The following PPP2R1B variants were observed in gnomAD, a reference collection of about 807,000 sequenced individuals.
PPP2R1B encodes the protein serine/threonine-protein phosphatase 2A 65 kDa regulatory subunit A beta isoform.
In PPP2R1B, 58 loss-of-function variants were observed where a neutral mutation model predicts 72.7. The ratio of observed to expected loss-of-function variants is 0.80; its 90% CI spans 0.65 to 0.99. PPP2R1B has a LOEUF of 0.99. PPP2R1B is among the 50% of genes least tolerant of loss of function. PPP2R1B has a pLI of 0.00. For synonymous variants in PPP2R1B, 256 were observed against 264.6 expected, an observed-to-expected ratio of 0.97 and a Z score of 0.32; for missense variants, 695 against 733.6, an observed-to-expected ratio of 0.95 and a Z score of 0.61.
the PPP2R1B span, among the ~76,000 whole-genome samples, chr11:111,695,100 CTA>C: frequency 6.6e-6 from 1 of 152,228 alleles, no homozygotes; most frequent in South Asian, 2.1e-4. Flanking sequence ...AGCTTCATCT[CTA>C]TCACTCTCCA....
chr11:111,760,798 CA>C lies in PPP2R1B; in HGVS notation c.539+20del. 6.2e-7 allele frequency: 1 copy of C among 1,605,318 alleles called. No homozygotes were observed. Among genetic ancestry groups the C allele is most frequent in the Non-Finnish European group, 8.5e-7 (1 of 1,174,532 alleles). On this transcript the variant is annotated intron_variant, in intron 4 of 14. Coordinates refer to ENST00000527614, the MANE Select transcript of PPP2R1B (RefSeq NM_002716.5). The stretch of plus-strand genomic sequence containing the variant: ...CTACCTGATTTCTGCTTTAACAAGG[CA>C]AAAAAATACCATGGCTTACTGTCTG...
At chr11:111,707,334 G>C in the PPP2R1B span, among the ~76,000 whole-genome samples, 1 of 152,196 alleles carries the variant, frequency 6.6e-6, no homozygotes, top group Non-Finnish European at 1.5e-5. Context: ...TTCATGTCTA[G>C]ACTATGAGCA....
chr11:111,707,492 G>C, the PPP2R1B span, among the ~76,000 whole-genome samples: 137 of 152,294 alleles, frequency 9.0e-4, no homozygotes, highest in African/African-American at 3.1e-3. Flanking sequence ...AATGGAACCT[G>C]CTTAGTGTAA....
At chr11:111,764,989 T>C in intron 2 of PPP2R1B, 84 bp from the exon 3 acceptor site, 1 of 1,549,918 alleles carries the variant, frequency 6.5e-7, no homozygotes, top group East Asian at 2.4e-5. Flanking sequence ...ACAGATTCAC[T>C]ATGCGACCAG....
the PPP2R1B span, among the ~76,000 whole-genome samples, chr11:111,714,652 G>A: frequency 1.3e-5 from 2 of 152,316 alleles, no homozygotes; most frequent in East Asian, 1.9e-4. Flanking sequence ...CCTAGATGGA[G>A]GGTGAGAGCC....
At chr11:111,726,459 C>G (rs1943969898), downstream of PPP2R1B, 1 of 154,864 alleles carries the variant, frequency 6.5e-6, no homozygotes, top group Non-Finnish European at 1.4e-5. Flanking sequence ...GGCGTGGACA[C>G]CGGCCTGATG....
At chr11:111,729,051 T>C (rs559639489) in intron 15 of PPP2R1B, 20 of 152,392 alleles carry the variant, frequency 1.3e-4, no homozygotes, top group African/African-American at 4.6e-4. Context: ...GCACCTGTAA[T>C]GTCAGAGCCC....
Position 111,755,372 on chromosome 11 carries a change from C to T in PPP2R1B, c.766G>A (p.Val256Met). 1.9e-6 allele frequency: 3 copies of T among 1,613,936 alleles called. No homozygotes were observed. The highest frequency in any genetic ancestry group is 2.5e-6 in the Non-Finnish European group (3 of 1,179,996). ...GCTGCTTGTCGAAGTGTAGGCATCA[C>T]CAAAGTCTCAAGGTCATCCTGAGAC... ...LLSQDDLETL[V>M]MPTLRQAAED... Residue 256 changes from valine (V) to methionine (M), a missense_variant, in exon 6 of 15, where the codon GTG (valine) becomes ATG (methionine). Coordinates refer to ENST00000527614, the MANE Select transcript of PPP2R1B (RefSeq NM_002716.5).
At chr11:111,711,740 G>C in the PPP2R1B span, among the ~76,000 whole-genome samples, 1 of 152,218 alleles carries the variant, frequency 6.6e-6, no homozygotes, top group Non-Finnish European at 1.5e-5. Context: ...AAGGCGGGTA[G>C]GGCAGGCAGA....
At chr11:111,748,487 C>T (rs1401221812) in intron 10 of PPP2R1B, among the ~76,000 whole-genome samples, 3 of 152,208 alleles carry the variant, frequency 2.0e-5, no homozygotes, top group Non-Finnish European at 4.4e-5. Context: ...AGAGTATTTT[C>T]GAGACAACAG....
chr11:111,713,632 T>C, the PPP2R1B span, among the ~76,000 whole-genome samples: 1 of 152,154 alleles, frequency 6.6e-6, no homozygotes, highest in Non-Finnish European at 1.5e-5. Context: ...AGAAACATTA[T>C]ACATACTGAA....
the PPP2R1B span, chr11:111,721,840 C>T: frequency 6.2e-7 from 1 of 1,607,466 alleles, no homozygotes; most frequent in Non-Finnish European, 8.5e-7. Context: ...GAAGAAGTTT[C>T]TCAGCAGCAG....
Position 111,742,383 on chromosome 11 carries a change from T to C in PPP2R1B, c.1697+140A>G, listed in dbSNP as rs1944554063. ...TCATAGTGGACATCCTCAAAAATAG[T>C]TGCTAAATTATTTTCTTTAAGCAAA... On this transcript the variant is annotated intron_variant, in intron 13 of 14. Coordinates refer to ENST00000527614, the MANE Select transcript of PPP2R1B (RefSeq NM_002716.5). 3.0e-6 allele frequency: 3 copies of C among 992,240 alleles called. No individual in the cohort carries two copies. In the East Asian group the frequency reaches 7.9e-5, roughly 26 times the overall value. The allele number at this position is 992,240 out of a possible 1,614,324, so 61.5% of individuals were successfully genotyped here.
chr11:111,701,498 T>A, the PPP2R1B span: 1 of 1,613,988 alleles, frequency 6.2e-7, no homozygotes. This position sits in a 1 kb window ranked among gnomAD's most constrained non-coding sequence, Gnocchi z 4.2. Flanking sequence ...GCTCTGCCCT[T>A]TGATGGACCG....
chr11:111,754,701 G>A (rs1945036036), intron 7 of PPP2R1B, 132 bp from the exon 8 acceptor site: 7 of 1,418,402 alleles, frequency 4.9e-6, no homozygotes, highest in Non-Finnish European at 6.5e-6. Flanking sequence ...AACAGCTCTT[G>A]TTCTAAATAA....
the PPP2R1B span, among the ~76,000 whole-genome samples, chr11:111,691,593 A>C: frequency 2.7e-4 from 41 of 152,268 alleles, no homozygotes; most frequent in African/African-American, 9.1e-4. Flanking sequence ...AGGGGTACTC[A>C]CTAATTGAAT....
chr11:111,699,833 G>C, the PPP2R1B span, among the ~76,000 whole-genome samples: 1 of 152,176 alleles, frequency 6.6e-6, no homozygotes, highest in African/African-American at 2.4e-5. Context: ...GGCTCACAAA[G>C]ACTGATCCAA....
At chr11:111,703,190 G>T in the PPP2R1B span, 1 of 1,612,458 alleles carries the variant, frequency 6.2e-7, no homozygotes, top group Non-Finnish European at 8.5e-7. Flanking sequence ...TTGTAACATT[G>T]TGTTTTCTAT....
intron 3 of PPP2R1B, among the ~76,000 whole-genome samples, chr11:111,763,231 T>TA (rs1295354856): frequency 3.9e-5 from 6 of 152,318 alleles, no homozygotes; most frequent in South Asian, 4.1e-4. Flanking sequence ...CCTAAGGGAA[T>TA]AATGAGCTTG....
Sources: gnomAD v4.1 joint callset for allele counts (sites outside exome capture counted in the v4.1 genomes callset) on GRCh38, gnomAD v4.1.1 for gene constraint, Gnocchi (gnomAD v3.1) non-coding constraint, MANE v1.5 for transcripts, NCBI Gene and HGNC (gene_info 2026-07-23, HGNC 2026-07-21) for gene names.